The following HACE1 variants were observed in gnomAD, a reference collection of about 807,000 sequenced individuals.
HACE1 encodes HECT domain and ankyrin repeat containing E3 ubiquitin protein ligase 1.
A neutral mutation model predicts 118.4 loss-of-function variants in HACE1; 73 were observed. The ratio of observed to expected loss-of-function variants is 0.62; its 90% CI spans 0.51 to 0.75. HACE1 has a LOEUF of 0.75. Ranked by LOEUF, HACE1 falls within the 30% of genes least tolerant of loss-of-function variation. The probability of loss-of-function intolerance (pLI) is 0.00; values close to 1 mark genes in which losing one functional copy is unlikely to be tolerated. For synonymous variants in HACE1, 368 were observed against 374.8 expected (o/e 0.98, Z 0.21); for missense variants, 749 against 1,102.2 (o/e 0.68, Z 4.54).
chr6:104,737,632 A>C (rs1347341745), intron 22 of HACE1, among the ~76,000 whole-genome samples: 1 of 152,118 alleles, frequency 6.6e-6, no homozygotes, highest in African/African-American at 2.4e-5. Flanking sequence ...GGCTTAAAAA[A>C]CGGCGCACCA....
chr6:104,771,998 G>A lies in HACE1; in HGVS notation c.1941C>T (p.Ile647=). 6.2e-7 allele frequency: 1 copy of A among 1,609,120 alleles called. No individual in the cohort carries two copies. Among genetic ancestry groups the A allele is most frequent in the South Asian group, 1.1e-5 (1 of 90,914 alleles). The change falls in exon 18 of 24, where the codon ATC becomes ATT. Residue 647 remains isoleucine, a synonymous_variant. Transcript: ENST00000262903. ...GCCTGTGGTTCAACGCTAATCCCAA[G>A]ATCTGCCCAGCAAACCGAAAATAGT... ...HLNYFRFAGQ[I]LGLALNHRQL...
At chr6:104,816,373 T>C (rs908349768) in intron 6 of HACE1, among the ~76,000 whole-genome samples, 1 of 152,222 alleles carries the variant, frequency 6.6e-6, no homozygotes, top group African/African-American at 2.4e-5. Context: ...TAGTGCTCTG[T>C]GTCCCAGATG....
chr6:104,739,156 C>G (rs1776313298), intron 22 of HACE1, among the ~76,000 whole-genome samples: 1 of 151,740 alleles, frequency 6.6e-6, no homozygotes, highest in Non-Finnish European at 1.5e-5. Context: ...CCTAAAAGAG[C>G]CTGAAGGAAG....
chr6:104,833,239 AAT>A, intron 5 of HACE1, 66 bp from the exon 6 acceptor site: 1 of 1,419,762 alleles, frequency 7.0e-7, no homozygotes, highest in Non-Finnish European at 1.0e-6. Flanking sequence ...GCAGATAAAT[AAT>A]GTTATTTCTC....
chr6:104,858,487 C>A (rs1198901909), intron 1 of HACE1: 1 of 397,870 alleles, frequency 2.5e-6, no homozygotes, highest in Non-Finnish European at 5.0e-6. Context: ...ATCACTTGAG[C>A]CCAGGAGTTC....
intron 22 of HACE1, among the ~76,000 whole-genome samples, chr6:104,737,640 C>G (rs1166525873): frequency 6.6e-6 from 1 of 152,204 alleles, no homozygotes; most frequent in Non-Finnish European, 1.5e-5. Context: ...AAACGGCGCA[C>G]CACGAGATTA....
chr6:104,805,156 T>C (rs1006662463), intron 7 of HACE1, among the ~76,000 whole-genome samples: 49 of 152,170 alleles, frequency 3.2e-4, no homozygotes, highest in Non-Finnish European at 3.7e-4. Flanking sequence ...CACAGTGAGA[T>C]ACCATCTCAC....
At chr6:104,854,264 AAC>A (rs1368120679) in intron 1 of HACE1, among the ~76,000 whole-genome samples, 1 of 152,222 alleles carries the variant, frequency 6.6e-6, no homozygotes, top group Non-Finnish European at 1.5e-5. Context: ...AAAGAAACAT[AAC>A]TAAAGGCAAT....
At chr6:104,778,568 G>A (rs1562349593) in intron 14 of HACE1, among the ~76,000 whole-genome samples, 1 of 151,970 alleles carries the variant, frequency 6.6e-6, no homozygotes. Flanking sequence ...GCCAAGGCAG[G>A]AGGATCGCTT....
At chr6:104,738,875 C>G (rs1342957413) in intron 22 of HACE1, among the ~76,000 whole-genome samples, 1 of 150,990 alleles carries the variant, frequency 6.6e-6, no homozygotes, top group Non-Finnish European at 1.5e-5. Context: ...GTCAGATTCA[C>G]CAAAGCTGAA....
chr6:104,778,843 A>C (rs1289175071), intron 14 of HACE1, among the ~76,000 whole-genome samples: 1 of 152,110 alleles, frequency 6.6e-6, no homozygotes, highest in Non-Finnish European at 1.5e-5. Context: ...TCTCTGCAAG[A>C]TAGAACTTAT....
intron 6 of HACE1, among the ~76,000 whole-genome samples, chr6:104,829,073 T>C (rs961626425): frequency 6.6e-6 from 1 of 151,910 alleles, no homozygotes; most frequent in African/African-American, 2.4e-5. Context: ...TTTTATTCTA[T>C]AAAATATATA....
chr6:104,768,720 C>A (rs1244807218), intron 19 of HACE1, among the ~76,000 whole-genome samples: 2 of 151,940 alleles, frequency 1.3e-5, no homozygotes, highest in Admixed American at 6.6e-5. Flanking sequence ...AAAAGTTAGC[C>A]TCTAATCAAC....
At chr6:104,785,662 C>A (rs753317242) in intron 11 of HACE1, 1 of 245,924 alleles carries the variant, frequency 4.1e-6, no homozygotes, top group African/African-American at 2.3e-5. Flanking sequence ...TATATAATCA[C>A]CCTTAACATT....
intron 22 of HACE1, among the ~76,000 whole-genome samples, chr6:104,735,903 T>C (rs894656492): frequency 1.2e-4 from 19 of 152,118 alleles, no homozygotes; most frequent in African/African-American, 4.6e-4. Context: ...AAAATAAAAC[T>C]AGATAGCCAT....
intron 19 of HACE1, among the ~76,000 whole-genome samples, chr6:104,759,769 T>G (rs1303367670): frequency 6.6e-6 from 1 of 152,138 alleles, no homozygotes; most frequent in East Asian, 1.9e-4. Context: ...GGAACTAGTT[T>G]TTTGAAAAGA....
chr6:104,733,590 C>T (rs1238459503), intron 22 of HACE1, among the ~76,000 whole-genome samples: 5 of 152,118 alleles, frequency 3.3e-5, no homozygotes, highest in African/African-American at 1.2e-4. Context: ...CGGTGGCTCA[C>T]GCCTGTAATC....
In HACE1 at chr6:104,729,709, G is replaced by T; in HGVS notation, c.2683C>A (p.Leu895Ile). 6.3e-7 allele frequency: 1 copy of T among 1,593,710 alleles called. No individual in the cohort carries two copies. Among genetic ancestry groups the T allele is most frequent in the Non-Finnish European group, 8.6e-7 (1 of 1,161,746 alleles). Reference sequence around the variant, plus strand: ...CTGCCACAATGTAGTGCCACAAGAAGTCTGTCCTTGAGTATTTCTTTACTT... The same window carrying T: ...CTGCCACAATGTAGTGCCACAAGAATTCTGTCCTTGAGTATTTCTTTACTT... The part of the protein sequence containing the change: ...YPSKEILKDR[L>I]LVALHCGSYG... Residue 895 changes from leucine to isoleucine, a missense_variant, in exon 24 of 24, where the codon CTT (leucine) becomes ATT (isoleucine). Leu to Ile is a conservative substitution (Grantham distance 5, BLOSUM62 2). This residue lies in a region of HACE1 where 165 missense variants were observed against 229.9 expected (regional missense o/e 0.72). Transcript: ENST00000262903.
chr6:104,797,132 TAAGAC>T (rs1163021902), intron 7 of HACE1, 107 bp from the exon 8 acceptor site: 7 of 724,286 alleles, frequency 9.7e-6, no homozygotes, highest in African/African-American at 3.5e-5. Flanking sequence ...TTTTAAAAAT[TAAGAC>T]AAGAGAATAT....
Sources: allele counts gnomAD v4.1 joint callset (sites outside exome capture counted in the v4.1 genomes callset), GRCh38; gene constraint gnomAD v4.1.1; regional missense constraint gnomAD v4.1.1; transcripts MANE v1.5; gene names NCBI Gene and HGNC (gene_info 2026-07-23, HGNC 2026-07-21).